Variants in PTPRM observed in about 807,000 individuals in gnomAD.
PTPRM encodes the protein receptor-type tyrosine-protein phosphatase mu.
Under a neutral mutation model 186.7 loss-of-function variants are expected in PTPRM, and 47 were observed. The ratio of observed to expected loss-of-function variants is 0.25; its 90% CI spans 0.20 to 0.32. The LOEUF (loss-of-function observed/expected upper bound fraction) is 0.32. Ranked by LOEUF, PTPRM falls within the 10% of genes least tolerant of loss-of-function variation. The probability of loss-of-function intolerance (pLI) is 1.00; values close to 1 mark genes in which losing one functional copy is unlikely to be tolerated. For synonymous variants in PTPRM, 668 were observed against 674.9 expected (o/e 0.99, Z 0.16); for missense variants, 1,494 against 1,865.0 (o/e 0.80, Z 3.66).
intron 1 of PTPRM, among the ~76,000 whole-genome samples, chr18:7,693,514 C>T (rs2039779179): frequency 6.6e-6 from 1 of 152,198 alleles, no homozygotes; most frequent in South Asian, 2.1e-4. Context: ...TAACCAGTAA[C>T]ATATGCCTAA....
At chr18:8,299,418 C>T (rs375529450) in intron 20 of PTPRM, among the ~76,000 whole-genome samples, 6 of 151,932 alleles carry the variant, frequency 3.9e-5, no homozygotes, top group African/African-American at 1.5e-4. Context: ...GAAACCCTGC[C>T]TCTACTAAAA....
At chr18:7,825,972 G>C (rs2045463275) in intron 2 of PTPRM, among the ~76,000 whole-genome samples, 1 of 152,142 alleles carries the variant, frequency 6.6e-6, no homozygotes, top group Non-Finnish European at 1.5e-5. Flanking sequence ...ATTCCATAAG[G>C]ATAGATAGGA....
Position 8,406,156 on chromosome 18 carries a change from T to C in PTPRM, c.4392T>C (p.Ser1464=). The C allele has an allele frequency of 6.2e-7, 1 of 1,614,092 alleles. No homozygotes were observed. Among genetic ancestry groups the C allele is most frequent in the Non-Finnish European group, 8.5e-7 (1 of 1,179,922 alleles). The change falls in exon 33 of 33, where the codon TCT becomes TCC. Residue 1464 remains serine (S), a synonymous_variant. Coordinates refer to ENST00000580170, the MANE Select transcript of PTPRM (RefSeq NM_001105244.2). ...CYEVALEYLN[S]G is the part of the protein sequence containing the mutation. Reference sequence around the variant, plus strand: ...AGGTGGCCCTGGAATACTTGAATTCTGGCTGATGGTGTAAACAGCTCTGCA... The same window carrying C: ...AGGTGGCCCTGGAATACTTGAATTCCGGCTGATGGTGTAAACAGCTCTGCA...
At chr18:8,387,280 A>G (rs1199377793) in intron 31 of PTPRM, 45 bp downstream of exon 31, 1 of 1,561,526 alleles carries the variant, frequency 6.4e-7, no homozygotes, top group Non-Finnish European at 8.8e-7. Context: ...GCGAGGCCCC[A>G]CACTCACTCT....
intron 7 of PTPRM, among the ~76,000 whole-genome samples, chr18:8,038,674 G>T (rs1453923291): frequency 1.3e-5 from 2 of 152,172 alleles, no homozygotes; most frequent in Admixed American, 1.3e-4. Flanking sequence ...TTACAGGCGT[G>T]AGCCACTGTG....
chr18:8,131,116 A>G (rs922448083), intron 13 of PTPRM, among the ~76,000 whole-genome samples: 1 of 152,220 alleles, frequency 6.6e-6, no homozygotes, highest in African/African-American at 2.4e-5. Flanking sequence ...GCCAGTCCCA[A>G]GTTGACACTG....
chr18:8,222,820 T>C (rs539022708), intron 14 of PTPRM, among the ~76,000 whole-genome samples: 1 of 152,330 alleles, frequency 6.6e-6, no homozygotes, highest in African/African-American at 2.4e-5. Context: ...CTGGGCATGG[T>C]GGTTTGCACC....
At chr18:8,277,189 G>T (rs1023083233) in intron 19 of PTPRM, among the ~76,000 whole-genome samples, 1 of 151,936 alleles carries the variant, frequency 6.6e-6, no homozygotes, top group African/African-American at 2.4e-5. Context: ...CACCCATCTT[G>T]GCCTCCCAAA....
intron 8 of PTPRM, among the ~76,000 whole-genome samples, chr18:8,075,400 ATTCAC>A (rs1030009967): frequency 1.3e-5 from 2 of 152,112 alleles, no homozygotes; most frequent in Non-Finnish European, 2.9e-5. Context: ...CTTATTGGTC[ATTCAC>A]TTCATCACCA....
chr18:7,713,352 C>T lies in PTPRM; in HGVS notation c.74-60797C>T, dbSNP rs538638425. On this transcript the variant is annotated intron_variant, in intron 1 of 32. Transcript: ENST00000580170. ...TTTTGTTACCACCAGACCTGCCTTA[C>T]GAGAGCTCCTGAACGAAGTACTAAA... Among the ~76,000 whole-genome samples the T allele has an allele frequency of 5.9e-5, 9 of 152,172 alleles. No homozygotes were observed. In the East Asian group the frequency reaches 1.2e-3, roughly 20 times the overall value.
intron 11 of PTPRM, among the ~76,000 whole-genome samples, chr18:8,100,301 C>G (rs750696227): frequency 6.6e-6 from 1 of 152,076 alleles, no homozygotes; most frequent in Non-Finnish European, 1.5e-5. Context: ...ACCACCATGC[C>G]TGGCTAATTT....
Position 8,090,293 on chromosome 18 carries a change from T to C in PTPRM, c.1856+1442T>C, listed in dbSNP as rs114880361. On this transcript the variant is annotated intron_variant, in intron 11 of 32. Transcript: ENST00000580170. ...TGACCATGGCCTTGGGAGTGTCATT[T>C]GTTTCTGACCCACTTAACAGTTGCT... Among the ~76,000 whole-genome samples, 666 of 152,302 alleles carry C rather than the reference T, an allele frequency of 4.4e-3. 2 individuals are homozygous for C. The highest frequency in any genetic ancestry group is 0.016 in the African/African-American group (645 of 41,570).
At chr18:7,739,074 A>C (rs193166919) in intron 1 of PTPRM, among the ~76,000 whole-genome samples, 1 of 152,158 alleles carries the variant, frequency 6.6e-6, no homozygotes, top group Non-Finnish European at 1.5e-5. Context: ...CTCGTCGCAC[A>C]TCACAATCTG....
intron 2 of PTPRM, among the ~76,000 whole-genome samples, chr18:7,876,633 C>G (rs538858526): frequency 6.6e-6 from 1 of 152,188 alleles, no homozygotes; most frequent in Non-Finnish European, 1.5e-5. Flanking sequence ...TGTCTCCTGT[C>G]CTCCAGCAGT....
intron 14 of PTPRM, among the ~76,000 whole-genome samples, chr18:8,213,627 G>A (rs2094037262): frequency 1.3e-5 from 2 of 152,176 alleles, no homozygotes; most frequent in Admixed American, 1.3e-4. Context: ...AGCCCTTCAT[G>A]AAGGGCACAT....
chr18:7,716,740 G>A (rs541074911), intron 1 of PTPRM, among the ~76,000 whole-genome samples: 14 of 152,098 alleles, frequency 9.2e-5, no homozygotes, highest in Admixed American at 5.9e-4. Flanking sequence ...CTCATCATCA[G>A]TGGTCATTAG....
intron 19 of PTPRM, among the ~76,000 whole-genome samples, chr18:8,261,387 C>T (rs1047838834): frequency 1.3e-5 from 2 of 152,036 alleles, no homozygotes; most frequent in African/African-American, 4.8e-5. Context: ...GAGCCAGGTC[C>T]ATAAGAAAAT....
At chr18:7,957,530 T>C (rs2053395248) in intron 7 of PTPRM, among the ~76,000 whole-genome samples, 1 of 152,148 alleles carries the variant, frequency 6.6e-6, no homozygotes, top group African/African-American at 2.4e-5. Flanking sequence ...TCGTGATGCA[T>C]GGTCTGGTTG....
intron 14 of PTPRM, among the ~76,000 whole-genome samples, chr18:8,201,360 G>A (rs74843678): frequency 0.012 from 1,889 of 152,124 alleles, 48 homozygotes; most frequent in African/African-American, 0.043. Flanking sequence ...TATAATCTTC[G>A]GTTTTACATA....
Sources: gnomAD v4.1 joint callset for allele counts (sites outside exome capture counted in the v4.1 genomes callset) on GRCh38, gnomAD v4.1.1 for gene constraint, MANE v1.5 for transcripts, NCBI Gene and HGNC (gene_info 2026-07-23, HGNC 2026-07-21) for gene names.